STPG2: variants seen among roughly 807,000 people sequenced by gnomAD.
STPG2 encodes sperm-tail PG-rich repeat-containing protein 2.
Under a neutral mutation model 54.2 loss-of-function variants are expected in STPG2, and 56 were observed. The ratio of observed to expected loss-of-function variants is 1.03; its 90% CI spans 0.83 to 1.29. STPG2 has a LOEUF of 1.29. Ranked by LOEUF, STPG2 falls within the 50% of genes most tolerant of loss-of-function variation. The pLI is 0.00. For synonymous variants in STPG2, 200 were observed against 181.8 expected (o/e 1.10, Z -0.81); for missense variants, 596 against 544.9 (o/e 1.09, Z -0.93).
chr4:97,442,076 G>T (rs576925561), intron 4 of STPG2, among the ~76,000 whole-genome samples: 2 of 151,344 alleles, frequency 1.3e-5, no homozygotes, highest in African/African-American at 2.4e-5. Flanking sequence ...CTTCAGGTAC[G>T]TGAGACTACC....
intron 4 of STPG2, among the ~76,000 whole-genome samples, chr4:97,520,949 G>A (rs1731167568): frequency 6.6e-6 from 1 of 151,942 alleles, no homozygotes; most frequent in Non-Finnish European, 1.5e-5. Flanking sequence ...GGTTTGATTA[G>A]ATAAATGTGG....
chr4:97,723,419 C>A (rs971784968), intron 9 of STPG2, among the ~76,000 whole-genome samples: 2 of 152,048 alleles, frequency 1.3e-5, no homozygotes, highest in African/African-American at 4.8e-5. Flanking sequence ...CCAAACCCCA[C>A]CATTATGCAA....
chr4:97,880,953 C>T lies in STPG2; in HGVS notation c.1045-40021G>A, dbSNP rs371028556. 3.9e-4 allele frequency among the ~76,000 whole-genome samples: 60 copies of T among 151,934 alleles called. No homozygotes were observed. In the South Asian group the frequency reaches 0.012, roughly 30 times the overall value. On this transcript the variant is annotated intron_variant, in intron 8 of 10. Coordinates refer to ENST00000295268, the MANE Select transcript of STPG2 (RefSeq NM_174952.3). Reference sequence around the variant, plus strand: ...TTGCTGCTATTCTCAAACTGTTCTCCTATAAAAATTACTCTTAATGAGGAA... The same window carrying T: ...TTGCTGCTATTCTCAAACTGTTCTCTTATAAAAATTACTCTTAATGAGGAA...
chr4:97,579,983 T>G (rs1732823518), intron 10 of STPG2, among the ~76,000 whole-genome samples: 3 of 151,916 alleles, frequency 2.0e-5, no homozygotes, highest in African/African-American at 7.2e-5. Flanking sequence ...TGATAGAAAA[T>G]AGAAATAATG....
At chr4:97,815,281 C>A (rs766165607) in intron 9 of STPG2, among the ~76,000 whole-genome samples, 1 of 152,034 alleles carries the variant, frequency 6.6e-6, no homozygotes, top group Non-Finnish European at 1.5e-5. Flanking sequence ...GCTTGACTAT[C>A]CCTTATCCAA....
intron 9 of STPG2, among the ~76,000 whole-genome samples, chr4:97,768,602 GT>G (rs987154018): frequency 2.6e-5 from 4 of 152,170 alleles, no homozygotes; most frequent in Non-Finnish European, 5.9e-5. Flanking sequence ...GGAAGGTGTA[GT>G]TTTTGGCCCT....
chr4:97,879,018 G>T (rs1201175236), intron 8 of STPG2, among the ~76,000 whole-genome samples: 2 of 152,042 alleles, frequency 1.3e-5, no homozygotes, highest in Non-Finnish European at 2.9e-5. Flanking sequence ...AAATCTCTAG[G>T]CATGGGCAAA....
rs117448052 is a variant in STPG2 at position 97,977,152 on chromosome 4, A to G, written c.772+4007T>C. Among the ~76,000 whole-genome samples the G allele has an allele frequency of 2.0e-3, 297 of 152,302 alleles. 4 individuals are homozygous for G. The East Asian group carries it at 0.028, about 14-fold the overall frequency. On this transcript the variant is annotated intron_variant, in intron 6 of 10. Coordinates refer to ENST00000295268, the MANE Select transcript of STPG2 (RefSeq NM_174952.3). ...AGAGAAGACCCCTTGCCTCTCCACT[A>G]TTGATCTTCATTATAGCTTAACTTC...
chr4:98,120,362 A>C lies in STPG2; in HGVS notation c.387+8066T>G, dbSNP rs571290937. ...CCAAAGTGCAGGGATTACAGGCATG[A>C]GCCACCACGCCCAGCCACAAGTATC... On this transcript the variant is annotated intron_variant, in intron 3 of 10. Transcript: ENST00000295268. Among the ~76,000 whole-genome samples, 4 of 152,208 alleles carry C rather than the reference A, an allele frequency of 2.6e-5. No individual in the cohort carries two copies. The South Asian group carries it at 8.3e-4, about 32-fold the overall frequency.
At chr4:97,573,270 G>A (rs1343541566) in intron 10 of STPG2, among the ~76,000 whole-genome samples, 1 of 151,892 alleles carries the variant, frequency 6.6e-6, no homozygotes, top group African/African-American at 2.4e-5. Flanking sequence ...AATGAAAATT[G>A]TTATATGTAT....
intron 9 of STPG2, among the ~76,000 whole-genome samples, chr4:97,830,174 T>C (rs745818844): frequency 2.0e-5 from 3 of 152,082 alleles, no homozygotes; most frequent in Non-Finnish European, 4.4e-5. Flanking sequence ...ACAGCAGATC[T>C]CTCTACAGAA....
chr4:97,550,380 A>T (rs1731937777), intron 4 of STPG2, among the ~76,000 whole-genome samples: 1 of 152,130 alleles, frequency 6.6e-6, no homozygotes, highest in Admixed American at 6.6e-5. Flanking sequence ...ATCAAGAAAC[A>T]CAAAAAAATA....
intron 8 of STPG2, among the ~76,000 whole-genome samples, chr4:97,869,904 C>T (rs1729924391): frequency 2.0e-5 from 3 of 151,670 alleles, no homozygotes; most frequent in Admixed American, 2.0e-4. Context: ...TTGCTTACAT[C>T]ACTGTTTGGC....
At chr4:97,459,058 G>A (rs1418146051) in intron 4 of STPG2, among the ~76,000 whole-genome samples, 1 of 152,052 alleles carries the variant, frequency 6.6e-6, no homozygotes, top group Non-Finnish European at 1.5e-5. Context: ...ACATGCGAAA[G>A]TATTTGAAGG....
intron 8 of STPG2, among the ~76,000 whole-genome samples, chr4:97,910,723 A>G (rs1412923400): frequency 6.6e-6 from 1 of 152,242 alleles, no homozygotes; most frequent in African/African-American, 2.4e-5. Flanking sequence ...AAATGAGAAA[A>G]GACAGTCAAC....
chr4:97,496,911 TAAGA>T (rs976223397), intron 4 of STPG2, among the ~76,000 whole-genome samples: 1 of 151,642 alleles, frequency 6.6e-6, no homozygotes, highest in Non-Finnish European at 1.5e-5. Flanking sequence ...ATGACTCCAT[TAAGA>T]AAGAGAAAAT....
chr4:97,574,862 T>C (rs1486803492), intron 10 of STPG2, among the ~76,000 whole-genome samples: 1 of 152,004 alleles, frequency 6.6e-6, no homozygotes, highest in Non-Finnish European at 1.5e-5. Context: ...CTAAAAAGTT[T>C]CCAATGTATA....
chr4:97,637,377 G>A (rs1424429566), intron 10 of STPG2, among the ~76,000 whole-genome samples: 1 of 152,120 alleles, frequency 6.6e-6, no homozygotes, highest in Non-Finnish European at 1.5e-5. Flanking sequence ...CAAACCCACA[G>A]CCAATATCAT....
At chr4:97,568,890 TTTTTG>T (rs1051742322) in intron 10 of STPG2, among the ~76,000 whole-genome samples, 4 of 137,672 alleles carry the variant, frequency 2.9e-5, no homozygotes, top group African/African-American at 7.8e-5. Context: ...TTTCTTTTGT[TTTTTG>T]TTTTGTTTTT....
Sources: gnomAD v4.1 joint callset for allele counts (sites outside exome capture counted in the v4.1 genomes callset) on GRCh38, gnomAD v4.1.1 for gene constraint, MANE v1.5 for transcripts, NCBI Gene and HGNC (gene_info 2026-07-23, HGNC 2026-07-21) for gene names.